KLHL1: variants seen among roughly 807,000 people sequenced by gnomAD.
The protein encoded by KLHL1 is kelch like family member 1.
A neutral mutation model predicts 77.7 loss-of-function variants in KLHL1; 47 were observed. The ratio of observed to expected loss-of-function variants is 0.60; its 90% CI spans 0.48 to 0.77. KLHL1 has a LOEUF of 0.77. Ranked by LOEUF, KLHL1 falls within the 30% of genes least tolerant of loss-of-function variation. The pLI, the probability that KLHL1 is intolerant of heterozygous loss-of-function variation, is 0.00. For synonymous variants in KLHL1, 360 were observed against 325.2 expected, an observed-to-expected ratio of 1.11 and a Z score of -1.15; for missense variants, 925 against 910.8, an observed-to-expected ratio of 1.02 and a Z score of -0.20.
At chr13:69,811,486 AT>A (rs1877878015) in intron 6 of KLHL1, among the ~76,000 whole-genome samples, 1 of 152,124 alleles carries the variant, frequency 6.6e-6, no homozygotes. Flanking sequence ...TCTCAAAATA[AT>A]AAGAGCCATC....
At chr13:69,737,501 A>C (rs1873810919) in intron 8 of KLHL1, among the ~76,000 whole-genome samples, 1 of 152,166 alleles carries the variant, frequency 6.6e-6, no homozygotes, top group Non-Finnish European at 1.5e-5. Context: ...CCAGAGAGGG[A>C]AGGGCTGCTG....
chr13:69,783,988 A>G (rs1320726232), intron 7 of KLHL1, among the ~76,000 whole-genome samples: 2 of 152,214 alleles, frequency 1.3e-5, no homozygotes, highest in African/African-American at 4.8e-5. Flanking sequence ...CTGATCTCTC[A>G]GCAGAAACTC....
At chr13:70,023,517 T>C (rs1342960028) in intron 1 of KLHL1, among the ~76,000 whole-genome samples, 2 of 151,980 alleles carry the variant, frequency 1.3e-5, no homozygotes, top group African/African-American at 4.8e-5. Context: ...TTTTTCTAAC[T>C]GCCACAAAAT....
intron 4 of KLHL1, among the ~76,000 whole-genome samples, chr13:69,893,630 ATTG>A (rs1333755529): frequency 6.6e-6 from 1 of 152,212 alleles, no homozygotes; most frequent in Non-Finnish European, 1.5e-5. Flanking sequence ...TACAACATAT[ATTG>A]TTATGTATGA....
At chr13:69,945,586 G>T (rs2210452) in intron 3 of KLHL1, among the ~76,000 whole-genome samples, 1 of 151,730 alleles carries the variant, frequency 6.6e-6, no homozygotes, top group Non-Finnish European at 1.5e-5. Context: ...AAGAATTTTC[G>T]AACTAAATTT....
intron 5 of KLHL1, among the ~76,000 whole-genome samples, chr13:69,843,101 TAGA>T (rs1382481506): frequency 6.6e-6 from 1 of 151,390 alleles, no homozygotes; most frequent in Non-Finnish European, 1.5e-5. Context: ...CTCAGTAAGA[TAGA>T]AGGATTAAAT....
intron 1 of KLHL1, among the ~76,000 whole-genome samples, chr13:69,992,651 C>T (rs973888254): frequency 6.6e-6 from 1 of 151,904 alleles, no homozygotes; most frequent in African/African-American, 2.4e-5. Context: ...CAGAATGATC[C>T]TTTATCTTTC....
At chr13:69,712,279 G>A (rs1041340437) in intron 9 of KLHL1, among the ~76,000 whole-genome samples, 2 of 149,556 alleles carry the variant, frequency 1.3e-5, no homozygotes, top group African/African-American at 4.9e-5. Flanking sequence ...TTTTTAAGGC[G>A]ATCTCCTGTG....
chr13:70,070,313 T>C (rs1039235431), intron 1 of KLHL1, among the ~76,000 whole-genome samples: 1 of 151,500 alleles, frequency 6.6e-6, no homozygotes, highest in South Asian at 2.1e-4. Flanking sequence ...ATAATAAAAC[T>C]TCAGAAAATC....
chr13:70,066,846 C>G lies in KLHL1; in HGVS notation c.497+40357G>C, dbSNP rs1165808188. Among the ~76,000 whole-genome samples, 40 of 152,132 alleles carry G rather than the reference C, an allele frequency of 2.6e-4. 1 individual carries two copies. Among genetic ancestry groups the G allele is most frequent in the Non-Finnish European group, 7.4e-5 (5 of 68,006 alleles). ...TGAAAGTGGCCAAATTTTATCATAA[C>G]AGAATGAAAAATAGTCATTTTATAT... On this transcript the variant is annotated intron_variant, in intron 1 of 10. Coordinates refer to ENST00000377844, the MANE Select transcript of KLHL1 (RefSeq NM_020866.3).
At chr13:69,910,645 T>C (rs1882207479) in intron 4 of KLHL1, among the ~76,000 whole-genome samples, 1 of 152,092 alleles carries the variant, frequency 6.6e-6, no homozygotes, top group Admixed American at 6.6e-5. Flanking sequence ...CCATTATAAA[T>C]GCTTTATCAG....
intron 1 of KLHL1, among the ~76,000 whole-genome samples, chr13:70,099,897 A>G (rs1347212563): frequency 1.3e-5 from 2 of 151,976 alleles, no homozygotes; most frequent in African/African-American, 4.8e-5. Context: ...TTCTTAATCT[A>G]TTTATGTATT....
chr13:69,757,574 G>A (rs555845773), intron 7 of KLHL1, among the ~76,000 whole-genome samples: 38 of 152,158 alleles, frequency 2.5e-4, no homozygotes, highest in South Asian at 2.1e-4. Flanking sequence ...TTAGTTTGAA[G>A]TCAGGAAGAC....
intron 1 of KLHL1, among the ~76,000 whole-genome samples, chr13:70,029,287 A>T (rs1886032539): frequency 6.6e-6 from 1 of 152,136 alleles, no homozygotes; most frequent in East Asian, 1.9e-4. Flanking sequence ...AGAAATTTGA[A>T]CAGTGACTTT....
At position 69,931,246 on chromosome 13, in the gene KLHL1, T is replaced by C. The variant is rs189000143; in HGVS notation, c.1014+8794A>G. ...TTACTATAATATCTAGCCTGAATAT[T>C]TACTCAGTGTTAAATAAATCTACTA... On this transcript the variant is annotated intron_variant, in intron 4 of 10. Transcript: ENST00000377844. Among the ~76,000 whole-genome samples, 18 of 151,824 alleles carry C rather than the reference T, an allele frequency of 1.2e-4. 1 individual carries two copies. In the East Asian group the frequency reaches 3.5e-3, roughly 29 times the overall value.
At chr13:69,761,925 A>G (rs1875042214) in intron 7 of KLHL1, among the ~76,000 whole-genome samples, 1 of 152,178 alleles carries the variant, frequency 6.6e-6, no homozygotes, top group Admixed American at 6.5e-5. Flanking sequence ...ATGGTTTATG[A>G]TCAATCTTTA....
intron 3 of KLHL1, among the ~76,000 whole-genome samples, chr13:69,941,514 G>A (rs1213563848): frequency 1.3e-5 from 2 of 151,948 alleles, no homozygotes; most frequent in African/African-American, 4.8e-5. Flanking sequence ...GTCCGAAAGA[G>A]CACAAATAGA....
chr13:69,790,456 T>C (rs1180110816), intron 7 of KLHL1, among the ~76,000 whole-genome samples: 3 of 152,144 alleles, frequency 2.0e-5, no homozygotes, highest in Non-Finnish European at 4.4e-5. Context: ...ATGGTGCCAA[T>C]ATTACCTTGA....
At chr13:70,100,598 G>A (rs1479623477) in intron 1 of KLHL1, among the ~76,000 whole-genome samples, 8 of 152,142 alleles carry the variant, frequency 5.3e-5, no homozygotes, top group Non-Finnish European at 8.8e-5. Context: ...CTCCCAAAGT[G>A]CTGGAATTAC....
Sources: allele counts gnomAD v4.1 joint callset (sites outside exome capture counted in the v4.1 genomes callset), GRCh38; gene constraint gnomAD v4.1.1; transcripts MANE v1.5; gene names NCBI Gene and HGNC (gene_info 2026-07-23, HGNC 2026-07-21).